Variants in STON1 observed in about 807,000 individuals in gnomAD.
STON1 encodes the protein stonin 1, also known as stonin-1.
Under a neutral mutation model 60.9 loss-of-function variants are expected in STON1, and 79 were observed. The observed-to-expected ratio is 1.30, with a 90% CI of 1.08 to 1.56. STON1 has a LOEUF of 1.56. Ranked by LOEUF, STON1 falls within the 40% of genes most tolerant of loss-of-function variation. The pLI is 0.00. For synonymous variants in STON1, 363 were observed against 306.9 expected (o/e 1.18, Z -1.91); for missense variants, 1,166 against 858.9 (o/e 1.36, Z -4.47).
At chr2:48,592,523 C>T (rs1303462790) in intron 3 of STON1, among the ~76,000 whole-genome samples, 1 of 151,408 alleles carries the variant, frequency 6.6e-6, no homozygotes. Flanking sequence ...CCTCCGCCTC[C>T]TGGGTCCAAG....
chr2:48,566,157 T>A (rs1672932079), intron 1 of STON1, among the ~76,000 whole-genome samples: 1 of 152,178 alleles, frequency 6.6e-6, no homozygotes, highest in Non-Finnish European at 1.5e-5. Flanking sequence ...TTTCCATTTG[T>A]ACAGAGGTGA....
At chr2:48,584,076 T>C (rs980326063) in intron 2 of STON1, among the ~76,000 whole-genome samples, 1 of 152,098 alleles carries the variant, frequency 6.6e-6, no homozygotes, top group Non-Finnish European at 1.5e-5. Context: ...ACTGAGTACT[T>C]ACTGTATACC....
At chr2:48,588,281 T>C (rs574241305) in intron 2 of STON1, among the ~76,000 whole-genome samples, 1 of 152,362 alleles carries the variant, frequency 6.6e-6, no homozygotes, top group South Asian at 2.1e-4. Context: ...GTTGTGTATT[T>C]AGAGAACATA....
chr2:48,565,450 G>T (rs187824356), intron 1 of STON1, among the ~76,000 whole-genome samples: 14 of 152,066 alleles, frequency 9.2e-5, no homozygotes, highest in African/African-American at 3.4e-4. Flanking sequence ...CATCACATTG[G>T]GATTCAGGTT....
At chr2:48,538,729 C>T (rs1160911283) in intron 1 of STON1, among the ~76,000 whole-genome samples, 1 of 143,808 alleles carries the variant, frequency 7.0e-6, no homozygotes, top group Non-Finnish European at 1.5e-5. Flanking sequence ...TCCCGAGTTG[C>T]TGGGATTACA....
intron 1 of STON1, among the ~76,000 whole-genome samples, chr2:48,554,320 C>T (rs1345449780): frequency 2.6e-5 from 4 of 152,202 alleles, no homozygotes; most frequent in Non-Finnish European, 4.4e-5. Flanking sequence ...CTCCCTGGTT[C>T]AAGCAGTTCT....
chr2:48,594,634 T>A (rs1180926313), intron 3 of STON1, among the ~76,000 whole-genome samples: 4 of 152,016 alleles, frequency 2.6e-5, no homozygotes, highest in Non-Finnish European at 5.9e-5. Context: ...GGTAACGGGA[T>A]AGAGAGTGAC....
At chr2:48,540,390 C>T (rs993767263) in intron 1 of STON1, among the ~76,000 whole-genome samples, 16 of 152,108 alleles carry the variant, frequency 1.1e-4, no homozygotes, top group Non-Finnish European at 1.8e-4. Flanking sequence ...TCTAATGTTC[C>T]GCCTGTGAGA....
chr2:48,559,585 A>C (rs1308957326), intron 1 of STON1, among the ~76,000 whole-genome samples: 3 of 152,230 alleles, frequency 2.0e-5, no homozygotes, highest in Non-Finnish European at 4.4e-5. Flanking sequence ...CATCCAGAGC[A>C]TAAACGTAAC....
intron 1 of STON1, among the ~76,000 whole-genome samples, chr2:48,576,588 C>T (rs1438500495): frequency 6.6e-6 from 1 of 150,724 alleles, no homozygotes; most frequent in East Asian, 1.9e-4. Flanking sequence ...TTGCATTGTC[C>T]TGATGATTAG....
rs749926897 is a variant in STON1, at chr2:48,580,695, C to T, written c.62C>T (p.Ser21Phe). The T allele has an allele frequency of 6.9e-7, 1 of 1,459,766 alleles. No individual in the cohort carries two copies. The highest frequency in any genetic ancestry group is 9.1e-7 in the Non-Finnish European group (1 of 1,104,338). The allele number at this position is 1,459,766 out of a possible 1,614,324, so 90.4% of individuals were successfully genotyped here. ...TFDDDPAVQS[S>F]QKSKNFPLEN... ...GATGATGATCCTGCTGTTCAATCTT[C>T]TCAAAAGTCAAAGAATTTTCCTCTG... Residue 21 changes from serine to phenylalanine, a missense_variant, in exon 2 of 4, where the codon TCT becomes TTT. Transcript: ENST00000404752.
At chr2:48,570,191 A>C (rs994664187) in intron 1 of STON1, among the ~76,000 whole-genome samples, 2 of 152,108 alleles carry the variant, frequency 1.3e-5, no homozygotes, top group African/African-American at 2.4e-5. Context: ...AAAAATTAGC[A>C]GGGCATGGTG....
intron 1 of STON1, among the ~76,000 whole-genome samples, chr2:48,575,895 A>C (rs1490541190): frequency 6.6e-6 from 1 of 150,512 alleles, no homozygotes; most frequent in East Asian, 2.0e-4. Context: ...AGCAGCTGAG[A>C]TTACAGGTGT....
At chr2:48,567,699 G>A (rs1407418763) in intron 1 of STON1, among the ~76,000 whole-genome samples, 1 of 152,186 alleles carries the variant, frequency 6.6e-6, no homozygotes, top group Non-Finnish European at 1.5e-5. Flanking sequence ...CACTGCACCT[G>A]GCCAGGAATG....
intron 3 of STON1, among the ~76,000 whole-genome samples, chr2:48,594,873 A>C (rs573956048): frequency 6.6e-6 from 1 of 152,356 alleles, no homozygotes; most frequent in South Asian, 2.1e-4. Flanking sequence ...TAGATACATG[A>C]TACAGCCATA....
intron 1 of STON1, among the ~76,000 whole-genome samples, chr2:48,563,079 G>A (rs1273835750): frequency 6.6e-6 from 1 of 152,212 alleles, no homozygotes; most frequent in Non-Finnish European, 1.5e-5. Context: ...ATGGTGACAT[G>A]GTAAGGTTGA....
intron 2 of STON1, among the ~76,000 whole-genome samples, chr2:48,591,299 T>C (rs900516647): frequency 1.0e-4 from 15 of 150,342 alleles, no homozygotes; most frequent in Non-Finnish European, 1.8e-4. Flanking sequence ...TTGCTAAATA[T>C]AGTAATATTT....
chr2:48,545,350 C>G (rs774492183), intron 1 of STON1, among the ~76,000 whole-genome samples: 2 of 152,222 alleles, frequency 1.3e-5, no homozygotes, highest in Non-Finnish European at 2.9e-5. Flanking sequence ...TTGGCCTCCT[C>G]TGCACCCACA....
intron 1 of STON1, among the ~76,000 whole-genome samples, chr2:48,562,063 G>A (rs541884284): frequency 7.9e-5 from 12 of 152,098 alleles, no homozygotes; most frequent in Non-Finnish European, 1.5e-4. Flanking sequence ...GTTCTACCAC[G>A]TTGGCCAGGC....
Sources: gnomAD v4.1 joint callset for allele counts (sites outside exome capture counted in the v4.1 genomes callset) on GRCh38, gnomAD v4.1.1 for gene constraint, MANE v1.5 for transcripts, NCBI Gene and HGNC (gene_info 2026-07-23, HGNC 2026-07-21) for gene names.